The following ASIC2 variants were observed in gnomAD, a reference collection of about 807,000 sequenced individuals.
ASIC2 encodes the protein acid sensing ion channel subunit 2, also known as acid-sensing ion channel 2.
A neutral mutation model predicts 57.3 loss-of-function variants in ASIC2; 25 were observed. The observed-to-expected ratio is 0.44, with a 90% confidence interval of 0.32 to 0.61. ASIC2 has a LOEUF of 0.61. Ranked by LOEUF, ASIC2 falls within the 20% of genes least tolerant of loss-of-function variation. ASIC2 has a pLI of 0.06. For missense variants in ASIC2, 641 were observed against 738.1 expected (o/e 0.87, Z 1.52); for synonymous variants, 319 against 307.5 (o/e 1.04, Z -0.39).
intron 1 of ASIC2, among the ~76,000 whole-genome samples, chr17:33,182,650 T>C (rs1906032754): frequency 6.6e-6 from 1 of 152,224 alleles, no homozygotes; most frequent in Non-Finnish European, 1.5e-5. Context: ...TCTATCATAA[T>C]GGACAAGGCA....
rs541578893 is a variant in ASIC2, at chr17:33,933,774, C to T, written c.555+222204G>A. ...TGTGAGGTCTCACTCGTTCATACTC[C>T]GGCATCACAGAATCCTTTGAGGAGG... On this transcript the variant is annotated intron_variant, in intron 1 of 9. Coordinates refer to the ASIC2 transcript ENST00000359872. Among the ~76,000 whole-genome samples the T allele has an allele frequency of 2.0e-5, 3 of 152,302 alleles. No homozygotes were observed. The East Asian group carries it at 5.8e-4, about 29-fold the overall frequency.
At chr17:33,889,866 G>A (rs1914921685) in intron 1 of ASIC2, among the ~76,000 whole-genome samples, 1 of 152,200 alleles carries the variant, frequency 6.6e-6, no homozygotes, top group South Asian at 2.1e-4. Flanking sequence ...TTCTTCTGGA[G>A]CTCACCACCT....
At chr17:34,021,486 T>C (rs1443225735) in intron 1 of ASIC2, among the ~76,000 whole-genome samples, 1 of 152,210 alleles carries the variant, frequency 6.6e-6, no homozygotes, top group African/African-American at 2.4e-5. Flanking sequence ...GGCAGGGCTC[T>C]GGAATCTCAG....
intron 1 of ASIC2, among the ~76,000 whole-genome samples, chr17:33,299,953 A>T (rs1048186869): frequency 6.6e-6 from 1 of 152,220 alleles, no homozygotes; most frequent in Admixed American, 6.5e-5. Context: ...ACCGGTTGAT[A>T]CTGATAAAGG....
chr17:34,059,597 G>C (rs1908894868), intron 1 of ASIC2, among the ~76,000 whole-genome samples: 1 of 152,198 alleles, frequency 6.6e-6, no homozygotes. Context: ...CTTTGGGCAA[G>C]TTTTCAAGCC....
At chr17:33,133,111 A>G (rs2092353901) in intron 1 of ASIC2, among the ~76,000 whole-genome samples, 1 of 152,250 alleles carries the variant, frequency 6.6e-6, no homozygotes, top group South Asian at 2.1e-4. Flanking sequence ...GGGGAGAGAC[A>G]GAGTTGGGCT....
chr17:33,764,176 G>T (rs1910865875), intron 1 of ASIC2, among the ~76,000 whole-genome samples: 1 of 152,140 alleles, frequency 6.6e-6, no homozygotes, highest in African/African-American at 2.4e-5. Flanking sequence ...ATTTAGCCAG[G>T]CATGGTGGCG....
intron 1 of ASIC2, among the ~76,000 whole-genome samples, chr17:33,691,855 A>C (rs1320596319): frequency 1.3e-5 from 2 of 152,082 alleles, no homozygotes; most frequent in East Asian, 3.9e-4. Context: ...ATACATCTAC[A>C]ACTACGGGTA....
At chr17:34,000,050 G>GT (rs1320753606) in intron 1 of ASIC2, among the ~76,000 whole-genome samples, 8 of 137,852 alleles carry the variant, frequency 5.8e-5, no homozygotes, top group African/African-American at 2.3e-4. Context: ...AAGTGTTATT[G>GT]TTGTTTTTTT....
upstream of ASIC2, among the ~76,000 whole-genome samples, chr17:33,293,331 C>A (rs1905586686): frequency 6.6e-6 from 1 of 152,226 alleles, no homozygotes; most frequent in African/African-American, 2.4e-5. Flanking sequence ...GAGCGCCGTG[C>A]GCTCCTGGAG....
chr17:33,530,870 CTG>C (rs1915030678), intron 1 of ASIC2, among the ~76,000 whole-genome samples: 1 of 152,134 alleles, frequency 6.6e-6, no homozygotes, highest in African/African-American at 2.4e-5. Context: ...AGTTCCTGCT[CTG>C]TGTTAGGTAT....
At chr17:34,013,102 T>A (rs982746653) in intron 1 of ASIC2, among the ~76,000 whole-genome samples, 2 of 152,166 alleles carry the variant, frequency 1.3e-5, no homozygotes, top group Admixed American at 1.3e-4. Flanking sequence ...AAAATTGGAT[T>A]TGATGGAATC....
At chr17:33,553,342 T>C (rs534875829) in intron 1 of ASIC2, among the ~76,000 whole-genome samples, 1 of 152,132 alleles carries the variant, frequency 6.6e-6, no homozygotes, top group Non-Finnish European at 1.5e-5. Context: ...GAATGTTTCT[T>C]GCCTCAGAGC....
chr17:33,866,551 G>A (rs1257143905), intron 1 of ASIC2, among the ~76,000 whole-genome samples: 2 of 152,144 alleles, frequency 1.3e-5, no homozygotes, highest in Admixed American at 6.5e-5. Context: ...GAGAGTCAAA[G>A]AGTATATGTA....
In ASIC2 at chr17:33,516,581, T is replaced by C. The variant is rs200265669; in HGVS notation, c.556-404514A>G. ...ATTGGTCTGGAGTGGACCCTGGACA[T>C]TGGGAATTTTATTAGTGCTATTAAC... On this transcript the variant is annotated intron_variant, in intron 1 of 9. Coordinates refer to the ASIC2 transcript ENST00000359872. 3.9e-5 allele frequency among the ~76,000 whole-genome samples: 6 copies of C among 152,168 alleles called. 1 individual carries two copies. The highest frequency in any genetic ancestry group is 4.1e-4 in the South Asian group (2 of 4,822).
intron 1 of ASIC2, among the ~76,000 whole-genome samples, chr17:33,841,181 T>C (rs1197794754): frequency 6.6e-6 from 1 of 152,312 alleles, no homozygotes. Flanking sequence ...ACTACACTTG[T>C]GGGCAAGTTG....
intron 1 of ASIC2, among the ~76,000 whole-genome samples, chr17:33,559,633 T>C (rs1916011581): frequency 6.6e-6 from 1 of 152,210 alleles, no homozygotes; most frequent in South Asian, 2.1e-4. Flanking sequence ...ATCCCCACAT[T>C]CATACCTGCT....
chr17:33,098,947 T>G (rs2092197148), intron 2 of ASIC2, among the ~76,000 whole-genome samples: 1 of 136,994 alleles, frequency 7.3e-6, no homozygotes, highest in Non-Finnish European at 1.6e-5. Flanking sequence ...ATACACAAAA[T>G]ATATATATAA....
chr17:33,716,856 A>T (rs923093015), intron 1 of ASIC2, among the ~76,000 whole-genome samples: 2 of 152,202 alleles, frequency 1.3e-5, no homozygotes, highest in African/African-American at 4.8e-5. Flanking sequence ...GGCAGGAATG[A>T]TGCCTCGCTC....
Sources: gnomAD v4.1 joint callset for allele counts (sites outside exome capture counted in the v4.1 genomes callset) on GRCh38, gnomAD v4.1.1 for gene constraint, MANE v1.5 for transcripts, NCBI Gene and HGNC (gene_info 2026-07-23, HGNC 2026-07-21) for gene names.